The following PCSK6 variants were observed in gnomAD, a reference collection of about 807,000 sequenced individuals.
PCSK6 encodes the protein proprotein convertase subtilisin/kexin type 6, also known as paired basic amino acid cleaving enzyme 4.
Under a neutral mutation model 123.3 loss-of-function variants are expected in PCSK6, and 85 were observed. That is an observed-to-expected ratio of 0.69 (90% CI 0.58 to 0.83). PCSK6 has a LOEUF of 0.83. Among genes scored for constraint, PCSK6 ranks in the 40% least tolerant of loss-of-function variants. The probability of loss-of-function intolerance (pLI) is 0.00; values close to 1 mark genes in which losing one functional copy is unlikely to be tolerated. For synonymous variants in PCSK6, 508 were observed against 516.0 expected (o/e 0.98, Z 0.21); for missense variants, 1,191 against 1,282.3 (o/e 0.93, Z 1.09).
intron 1 of PCSK6, among the ~76,000 whole-genome samples, 166 bp downstream of exon 1, chr15:101,489,208 C>A (rs1479383075): frequency 3.3e-5 from 2 of 60,070 alleles, no homozygotes; most frequent in Non-Finnish European, 8.5e-5. Flanking sequence ...GGGCGACACC[C>A]CCCCCCGCAG....
chr15:101,479,052 G>C (rs1237727287), intron 1 of PCSK6, among the ~76,000 whole-genome samples: 2 of 152,186 alleles, frequency 1.3e-5, no homozygotes, highest in Non-Finnish European at 2.9e-5. Context: ...GCCTCAGGAA[G>C]CAAAATGAGT....
At chr15:101,308,971 G>A (rs2039788520) in intron 20 of PCSK6, 1 of 152,360 alleles carries the variant, frequency 6.6e-6, no homozygotes, top group African/African-American at 2.4e-5. Context: ...GTGAAGAACT[G>A]TGGTGAGGAG....
chr15:101,466,037 A>T (rs2057452010), intron 1 of PCSK6, among the ~76,000 whole-genome samples: 1 of 152,150 alleles, frequency 6.6e-6, no homozygotes. Context: ...ACCAATCAAA[A>T]GACAGAGAAT....
intron 1 of PCSK6, among the ~76,000 whole-genome samples, chr15:101,485,187 A>G (rs4965391): frequency 0.23 from 35,642 of 152,128 alleles, 4,362 homozygotes; most frequent in African/African-American, 0.3. Context: ...CCCCCAGCGA[A>G]CTTGAGTGAA....
intron 1 of PCSK6, among the ~76,000 whole-genome samples, chr15:101,447,832 C>T (rs1469574599): frequency 1.3e-5 from 2 of 152,246 alleles, no homozygotes; most frequent in African/African-American, 2.4e-5. Flanking sequence ...ACCGCTTCTC[C>T]AGCCGGTGCC....
intron 7 of PCSK6, among the ~76,000 whole-genome samples, chr15:101,396,263 C>T (rs2042409403): frequency 6.6e-6 from 1 of 152,142 alleles, no homozygotes; most frequent in Non-Finnish European, 1.5e-5. Flanking sequence ...ATGAAACCAA[C>T]ACTGCTCAGA....
chr15:101,405,820 T>C (rs1312719734), intron 6 of PCSK6, among the ~76,000 whole-genome samples: 2 of 152,116 alleles, frequency 1.3e-5, no homozygotes, highest in African/African-American at 4.8e-5. Context: ...CTCAGCTCAC[T>C]GCAACCTCGC....
At chr15:101,466,168 C>A (rs1422088290) in intron 1 of PCSK6, among the ~76,000 whole-genome samples, 1 of 152,106 alleles carries the variant, frequency 6.6e-6, no homozygotes, top group African/African-American at 2.4e-5. Context: ...GGACTCGTAT[C>A]TAGAATATAC....
chr15:101,394,201 C>T (rs1209855863), intron 7 of PCSK6, among the ~76,000 whole-genome samples: 1 of 150,578 alleles, frequency 6.6e-6, no homozygotes, highest in Non-Finnish European at 1.5e-5. Context: ...TCTGGAACTC[C>T]CGGGCTCAGG....
chr15:101,428,712 G>A (rs2141110630), intron 5 of PCSK6, among the ~76,000 whole-genome samples: 1 of 152,336 alleles, frequency 6.6e-6, no homozygotes, highest in South Asian at 2.1e-4. Flanking sequence ...CACAGAGGAT[G>A]GGAATCATTG....
chr15:101,309,104 C>G (rs572249100), intron 20 of PCSK6: 1 of 152,614 alleles, frequency 6.6e-6, no homozygotes, highest in Admixed American at 6.5e-5. Flanking sequence ...GCCACACACT[C>G]AGCAGCTGAA....
intron 1 of PCSK6, among the ~76,000 whole-genome samples, chr15:101,456,996 AC>A (rs2057201339): frequency 6.6e-6 from 1 of 152,046 alleles, no homozygotes; most frequent in African/African-American, 2.4e-5. Flanking sequence ...ACATGGTGAA[AC>A]CCCGTCTCTA....
chr15:101,395,727 G>T (rs527822425), intron 7 of PCSK6, among the ~76,000 whole-genome samples: 1 of 152,156 alleles, frequency 6.6e-6, no homozygotes, highest in Non-Finnish European at 1.5e-5. Flanking sequence ...CAATCAAATC[G>T]TATTTCGATG....
At chr15:101,383,393 A>G (rs2141511436) in intron 10 of PCSK6, among the ~76,000 whole-genome samples, 1 of 147,522 alleles carries the variant, frequency 6.8e-6, no homozygotes, top group Admixed American at 6.8e-5. Context: ...TTGGGCAACA[A>G]GACGAGACTC....
intron 2 of PCSK6, among the ~76,000 whole-genome samples, chr15:101,435,854 C>G (rs1335773036): frequency 1.3e-5 from 2 of 152,162 alleles, no homozygotes; most frequent in African/African-American, 4.8e-5. Context: ...TGCCCGCGTT[C>G]CAGTAAATGG....
At chr15:101,440,747 C>G (rs146586779) in intron 2 of PCSK6, among the ~76,000 whole-genome samples, 137 of 152,314 alleles carry the variant, frequency 9.0e-4, no homozygotes, top group African/African-American at 3.2e-3. Flanking sequence ...GCTTTGCCAA[C>G]GTAGGGAAAC....
Position 101,331,876 on chromosome 15 carries a change from G to A in PCSK6, c.2014C>T (p.Pro672Ser). The change falls in exon 14 of 22, where the codon CCT becomes TCT. Residue 672 changes from proline to serine, a missense_variant. Coordinates refer to ENST00000611716, the MANE Select transcript of PCSK6 (RefSeq NM_002570.5). ...AALSPSQVEV[P>S]EDEEDYTAQS... ...CCTGTGTAATCTTCCTCATCTTCAGGAACTTCCACCTGGGAGGGTGACAGG... is the reference window on the plus strand; with the variant it reads ...CCTGTGTAATCTTCCTCATCTTCAGAAACTTCCACCTGGGAGGGTGACAGG... 1 of 1,613,056 alleles carries A rather than the reference G, an allele frequency of 6.2e-7. No homozygotes were observed. The highest frequency in any genetic ancestry group is 1.1e-5 in the South Asian group (1 of 91,006).
intron 2 of PCSK6, among the ~76,000 whole-genome samples, chr15:101,442,298 C>T (rs569489030): frequency 3.3e-5 from 5 of 152,148 alleles, no homozygotes; most frequent in Non-Finnish European, 7.3e-5. Context: ...CTATCTCGTT[C>T]GACTTATCCG....
chr15:101,451,770 C>A (rs2057042384), intron 1 of PCSK6, among the ~76,000 whole-genome samples: 1 of 152,078 alleles, frequency 6.6e-6, no homozygotes, highest in African/African-American at 2.4e-5. Context: ...GTTATTGATC[C>A]CGGTTGGTTT....
Sources: allele counts gnomAD v4.1 joint callset (sites outside exome capture counted in the v4.1 genomes callset), GRCh38; gene constraint gnomAD v4.1.1; transcripts MANE v1.5; gene names NCBI Gene and HGNC (gene_info 2026-07-23, HGNC 2026-07-21).